The following LUC7L variants were observed in gnomAD, a reference collection of about 807,000 sequenced individuals.
The protein encoded by LUC7L is putative RNA-binding protein Luc7-like 1.
In LUC7L, 29 loss-of-function variants were observed where a neutral mutation model predicts 51.1. The ratio of observed to expected loss-of-function variants is 0.57; its 90% confidence interval spans 0.42 to 0.77. The LOEUF is 0.77. Ranked by LOEUF, LUC7L falls within the 30% of genes least tolerant of loss-of-function variation. LUC7L has a pLI of 0.00. For missense variants in LUC7L, 403 were observed against 511.9 expected (o/e 0.79, Z 2.05); for synonymous variants, 181 against 180.7 (o/e 1.00, Z -0.01).
At chr16:192,451 C>T (rs550368833) in intron 7 of LUC7L, among the ~76,000 whole-genome samples, 78 of 152,038 alleles carry the variant, frequency 5.1e-4, no homozygotes, top group Middle Eastern at 6.8e-3. Context: ...ACACACAGTC[C>T]TGCGCTGGGA....
chr16:201,131 A>G (rs896345329), intron 5 of LUC7L, among the ~76,000 whole-genome samples: 14 of 145,420 alleles, frequency 9.6e-5, no homozygotes, highest in African/African-American at 3.5e-4. Context: ...ATCGCACCAC[A>G]GCAATCCAGC....
At chr16:204,379 G>C (rs191875362) in intron 5 of LUC7L, among the ~76,000 whole-genome samples, 1 of 151,964 alleles carries the variant, frequency 6.6e-6, no homozygotes, top group Non-Finnish European at 1.5e-5. Flanking sequence ...GGTGGACCAC[G>C]AGGTCAGATT....
intron 5 of LUC7L, among the ~76,000 whole-genome samples, chr16:203,555 A>C (rs1266985371): frequency 6.6e-6 from 1 of 152,108 alleles, no homozygotes; most frequent in African/African-American, 2.4e-5. Context: ...AAAAATACAA[A>C]AAATTAGCTG....
At chr16:225,849 T>A (rs1241804587) in intron 2 of LUC7L, among the ~76,000 whole-genome samples, 2 of 152,104 alleles carry the variant, frequency 1.3e-5, no homozygotes, top group Non-Finnish European at 1.5e-5. Context: ...TCACTCAGAT[T>A]ATTTTTCTCA....
chr16:198,278 C>CAA lies in LUC7L; in HGVS notation c.687+782_687+783dup, dbSNP rs35125597. Among the ~76,000 whole-genome samples, 124 of 49,244 alleles carry CAA rather than the reference C, an allele frequency of 2.5e-3. 1 individual carries two copies. The highest frequency in any genetic ancestry group is 3.1e-3 in the Non-Finnish European group (94 of 29,960). The allele number at this position is 49,244 out of a possible 152,430, so 32.3% of individuals were successfully genotyped here. A position where few individuals can be genotyped will look rare whatever the true frequency, so the allele number is the denominator to read the frequency against. On this transcript the variant is annotated intron_variant, in intron 6 of 9. Transcript: ENST00000293872. ...TGGGCGACAGAGCGAGACTCCATCTCAAAAAAAAAAAAAAAAAAAAAAAAA... is the reference window on the plus strand; with the variant it reads ...TGGGCGACAGAGCGAGACTCCATCTCAAAAAAAAAAAAAAAAAAAAAAAAAAA...
At position 229,150 on chromosome 16, in the gene LUC7L, C is replaced by G. The variant is rs1045805737; in HGVS notation, c.61+129G>C. The G allele has an allele frequency of 4.2e-6, 6 of 1,422,072 alleles. No homozygotes were observed. In the African/African-American group the frequency reaches 4.5e-5, roughly 11 times the overall value. The allele number at this position is 1,422,072 out of a possible 1,614,324, so 88.1% of individuals were successfully genotyped here. A position where few individuals can be genotyped will look rare whatever the true frequency, so the allele number is the denominator to read the frequency against. ...AAAGGCCCGGCGCCTGCGGTCGGAG[C>G]GCGGGGGAGGAGGAGCGATGCCCCG... is the stretch of plus-strand genomic sequence containing the variant. On this transcript the variant is annotated intron_variant, in intron 1 of 9. Coordinates refer to ENST00000293872, the MANE Select transcript of LUC7L (RefSeq NM_201412.3).
intron 5 of LUC7L, among the ~76,000 whole-genome samples, chr16:200,740 G>A (rs569135083): frequency 1.7e-3 from 263 of 152,096 alleles, no homozygotes; most frequent in African/African-American, 6.1e-3. Context: ...TAATTAGCCC[G>A]CTGTGGTGGC....
At chr16:228,631 A>C in intron 1 of LUC7L, 1 of 1,183,818 alleles carries the variant, frequency 8.4e-7, no homozygotes, top group Non-Finnish European at 1.1e-6. Context: ...ATAGTTTTGC[A>C]AAGATGCAAC....
Position 222,372 on chromosome 16 carries a change from CAT to C in LUC7L, c.157-1627_157-1626del, listed in dbSNP as rs2049996300. 2.0e-5 allele frequency among the ~76,000 whole-genome samples: 3 copies of C among 149,582 alleles called. No individual in the cohort carries two copies. The East Asian group carries it at 5.9e-4, about 29-fold the overall frequency. On this transcript the variant is annotated intron_variant, in intron 2 of 9. Coordinates refer to ENST00000293872, the MANE Select transcript of LUC7L (RefSeq NM_201412.3). Reference sequence around the variant, plus strand: ...GACGTTAGTACCAGTTGCAGTGGCACATGTCTGTAATCCCAACACCTTTGGGA... The same window carrying C: ...GACGTTAGTACCAGTTGCAGTGGCACGTCTGTAATCCCAACACCTTTGGGA...
rs764885755 is a variant in LUC7L, at chr16:229,249, A to G, written c.61+30T>C. 20 of 1,527,512 alleles carry G rather than the reference A, an allele frequency of 1.3e-5. No homozygotes were observed. The Admixed American group carries it at 1.8e-4, about 14-fold the overall frequency. 94.6% of individuals were successfully genotyped at this position (1,527,512 alleles called of 1,614,324 possible). On this transcript the variant is annotated intron_variant, in intron 1 of 9. Coordinates refer to ENST00000293872, the MANE Select transcript of LUC7L (RefSeq NM_201412.3). ...CGGCCTCGCCTCACTCCCACCCCAG[A>G]CCCTCGCCTGGTTGGCCGCTCTGAC...
intron 9 of LUC7L, chr16:189,551 G>T (rs2048953389): frequency 6.5e-6 from 9 of 1,388,502 alleles, no homozygotes; most frequent in Non-Finnish European, 7.5e-6. Flanking sequence ...TTAATAAGGA[G>T]AGCCTTCACT....
rs117727814 is a variant in LUC7L at position 200,052 on chromosome 16, G to A, written c.511-814C>T. On this transcript the variant is annotated intron_variant, in intron 5 of 9. Transcript: ENST00000293872. ...ACGCCTGTAATCCCAGCATTCCGAG[G>A]CCAAGGCAGACAGATCACTTGAGGC... is the stretch of plus-strand genomic sequence containing the variant. Among the ~76,000 whole-genome samples, 475 of 151,868 alleles carry A rather than the reference G, an allele frequency of 3.1e-3. 28 individuals carry two copies. In the East Asian group the frequency reaches 0.084, roughly 27 times the overall value.
chr16:193,946 G>C (rs1227753808), intron 6 of LUC7L, among the ~76,000 whole-genome samples: 1 of 151,626 alleles, frequency 6.6e-6, no homozygotes, highest in East Asian at 2.0e-4. Flanking sequence ...TGGGATTACA[G>C]GCGCCCGGCA....
At chr16:214,497 A>G (rs987013705) in intron 3 of LUC7L, among the ~76,000 whole-genome samples, 2 of 152,162 alleles carry the variant, frequency 1.3e-5, no homozygotes, top group Non-Finnish European at 2.9e-5. Flanking sequence ...TTTCAATCTC[A>G]TAAACAATTT....
At chr16:215,011 C>T (rs2049748465) in intron 3 of LUC7L, among the ~76,000 whole-genome samples, 5 of 152,086 alleles carry the variant, frequency 3.3e-5, no homozygotes, top group Admixed American at 6.6e-5. Flanking sequence ...TGGAGGCTAC[C>T]GTGAGCTATG....
intron 3 of LUC7L, among the ~76,000 whole-genome samples, chr16:219,518 A>C (rs1001687334): frequency 6.6e-6 from 1 of 152,190 alleles, no homozygotes; most frequent in Non-Finnish European, 1.5e-5. Context: ...CAATTCACTT[A>C]CAGTCAGCTA....
intron 1 of LUC7L, chr16:227,899 G>C (rs2050171270): frequency 1.0e-6 from 1 of 1,001,252 alleles, no homozygotes. Flanking sequence ...TGCTACCTGG[G>C]AGTCACTTTT....
intron 3 of LUC7L, among the ~76,000 whole-genome samples, chr16:218,156 G>A (rs769758792): frequency 4.0e-5 from 6 of 151,804 alleles, no homozygotes; most frequent in Admixed American, 6.6e-5. Flanking sequence ...TCATGCCACG[G>A]CACTCCAGCC....
At chr16:190,650 G>T in intron 7 of LUC7L, 80 bp from the exon 8 acceptor site, 1 of 1,303,404 alleles carries the variant, frequency 7.7e-7, no homozygotes, top group Non-Finnish European at 1.1e-6. Context: ...GGAGGCCTAG[G>T]CAGGCAATCA....
Sources: allele counts gnomAD v4.1 joint callset (sites outside exome capture counted in the v4.1 genomes callset), GRCh38; gene constraint gnomAD v4.1.1; transcripts MANE v1.5; gene names NCBI Gene and HGNC (gene_info 2026-07-23, HGNC 2026-07-21).